The following ZBTB10 variants were observed in gnomAD, a reference collection of about 807,000 sequenced individuals.
ZBTB10 encodes zinc finger and BTB domain-containing protein 10.
Under a neutral mutation model 76.4 loss-of-function variants are expected in ZBTB10, and 32 were observed. That is an observed-to-expected ratio of 0.42 (90% CI 0.32 to 0.56). The LOEUF (loss-of-function observed/expected upper bound fraction) is 0.56. ZBTB10 is among the 20% of genes least tolerant of loss of function. The pLI, the probability that ZBTB10 is intolerant of heterozygous loss-of-function variation, is 0.14. For synonymous variants in ZBTB10, 523 were observed against 432.9 expected (o/e 1.21, Z -2.58); for missense variants, 1,057 against 1,098.5 (o/e 0.96, Z 0.53).
intron 1 of ZBTB10, among the ~76,000 whole-genome samples, chr8:80,494,336 T>A (rs1275341939): frequency 6.6e-6 from 1 of 152,184 alleles, no homozygotes; most frequent in East Asian, 1.9e-4. Context: ...GGTGTGCTGT[T>A]TGACTTTCTA....
At chr8:80,499,359 C>T (rs1815865071) in intron 1 of ZBTB10, 135 bp from the exon 2 acceptor site, 2 of 985,454 alleles carry the variant, frequency 2.0e-6, no homozygotes. Context: ...CCACTGTTCA[C>T]TCCATTTCTT....
At position 80,500,022 on chromosome 8, in the gene ZBTB10, T is replaced by G; in HGVS notation, c.1501T>G (p.Phe501Val). 6.2e-7 allele frequency: 1 copy of G among 1,613,976 alleles called. No homozygotes were observed. The highest frequency in any genetic ancestry group is 8.5e-7 in the Non-Finnish European group (1 of 1,179,890). Residue 501 changes from phenylalanine (F) to valine (V), a missense_variant, in exon 2 of 6, where the codon TTT becomes GTT. By Grantham distance (50) the Phe-to-Val change is conservative. Around this residue, in one of 5 missense-constraint regions of ZBTB10, gnomAD observed 306 missense variants for 297.5 expected, o/e 1.03. Coordinates refer to ENST00000455036, the MANE Select transcript of ZBTB10 (RefSeq NM_001105539.3). ...ATCACGGGATCAAAAAATTGCCAGT[T>G]TTTGGGCAACACGGAATCTTACCAA... ...SSSRDQKIAS[F>V]WATRNLTNLA...
At chr8:80,485,683 G>C, upstream of ZBTB10, 1 of 1,048,728 alleles carries the variant, frequency 9.5e-7, no homozygotes, top group East Asian at 2.9e-5. Context: ...GGTTGTGTCC[G>C]TGGTCGTAAC....
intron 1 of ZBTB10, among the ~76,000 whole-genome samples, chr8:80,497,345 T>G (rs4380985): frequency 0.065 from 9,828 of 151,998 alleles, 330 homozygotes; most frequent in African/African-American, 0.093. Flanking sequence ...AAAACAAAAA[T>G]AAGGGTATTA....
rs1328121770 is a variant in ZBTB10, at chr8:80,524,464, T to G, written c.*4936T>G. On this transcript the variant is annotated 3_prime_UTR_variant, in exon 6 of 6. Transcript: ENST00000455036. ...CCATGTTGTATATTTGTGGACTGAT[T>G]GACTACAAGTGATGTGATGTTATAA... 6.6e-6 allele frequency: 1 copy of G among 152,112 alleles called. No individual in the cohort carries two copies. The highest frequency in any genetic ancestry group is 1.5e-5 in the Non-Finnish European group (1 of 67,966). The allele number at this position is 152,112 out of a possible 1,614,324, so 9.4% of individuals were successfully genotyped here. A position where few individuals can be genotyped will look rare whatever the true frequency, so the allele number is the denominator to read the frequency against.
In ZBTB10 at chr8:80,487,205, G is replaced by T. The variant is rs1052031576; in HGVS notation, c.395G>T (p.Gly132Val). 1 of 1,542,910 alleles carries T rather than the reference G, an allele frequency of 6.5e-7. No homozygotes were observed. The highest frequency in any genetic ancestry group is 8.7e-7 in the Non-Finnish European group (1 of 1,146,648). Reference protein sequence around the residue: ...TLAFRGGGGGGLGNNGSSRGR... With the variant: ...TLAFRGGGGGVLGNNGSSRGR... ...GCCTTCCGAGGCGGCGGCGGCGGGG[G>T]TCTCGGCAACAATGGCAGTAGCCGC... Residue 132 changes from glycine (G) to valine (V), a missense_variant, in exon 1 of 6, where the codon GGT (glycine) becomes GTT (valine). Around this residue, in one of 5 missense-constraint regions of ZBTB10, gnomAD observed 556 missense variants for 451.7 expected, o/e 1.23. Coordinates refer to ENST00000455036, the MANE Select transcript of ZBTB10 (RefSeq NM_001105539.3).
chr8:80,501,140 A>C (rs1057442952), intron 2 of ZBTB10, among the ~76,000 whole-genome samples: 3 of 152,182 alleles, frequency 2.0e-5, no homozygotes, highest in Non-Finnish European at 4.4e-5. Flanking sequence ...TGCTGGGATT[A>C]CAGACATGAG....
Position 80,501,724 on chromosome 8 carries a change from G to T in ZBTB10, c.1861+1342G>T, listed in dbSNP as rs539863659. On this transcript the variant is annotated intron_variant, in intron 2 of 5. Coordinates refer to ENST00000455036, the MANE Select transcript of ZBTB10 (RefSeq NM_001105539.3). Reference sequence around the variant, plus strand: ...TTTTACTGTGTGAAAAATCAAGTGTGTATATATAACGAATACTATATATCT... The same window carrying T: ...TTTTACTGTGTGAAAAATCAAGTGTTTATATATAACGAATACTATATATCT... Among the ~76,000 whole-genome samples the T allele has an allele frequency of 1.1e-4, 17 of 152,220 alleles. No homozygotes were observed. In the South Asian group the frequency reaches 1.2e-3, roughly 11 times the overall value.
upstream of ZBTB10, chr8:80,486,053 C>T (rs1815438433): frequency 1.9e-6 from 2 of 1,045,096 alleles, no homozygotes; most frequent in South Asian, 1.8e-5. Context: ...GCGGCCGCAC[C>T]CCCGCCCCCA....
rs191523533 is a variant in ZBTB10, at chr8:80,522,987, G to A, written c.*3459G>A. On this transcript the variant is annotated 3_prime_UTR_variant, in exon 6 of 6. Transcript: ENST00000455036. ...TTTTAGGATTTTCTGAACATAGCAT[G>A]AAGGGTTTAGATTCATTTTTCTGAA... 9 of 151,798 alleles carry A rather than the reference G, an allele frequency of 5.9e-5. No individual in the cohort carries two copies. The highest frequency in any genetic ancestry group is 3.9e-4 in the Admixed American group (6 of 15,196). The allele number at this position is 151,798 out of a possible 1,614,324, so 9.4% of individuals were successfully genotyped here.
chr8:80,487,647 T>G lies in ZBTB10; in HGVS notation c.837T>G (p.Pro279=), dbSNP rs934861328. 9 of 1,613,756 alleles carry G rather than the reference T, an allele frequency of 5.6e-6. No homozygotes were observed. In the Admixed American group the frequency reaches 1.5e-4, roughly 27 times the overall value. ...LMSCGWCQKT[P]ADGGSVDLPP... ...CTTGCGGCTGGTGCCAAAAGACCCCTGCAGATGGGGGAAGCGTGGACCTTC... is the reference window on the plus strand; with the variant it reads ...CTTGCGGCTGGTGCCAAAAGACCCCGGCAGATGGGGGAAGCGTGGACCTTC... The change falls in exon 1 of 6, where the codon CCT becomes CCG. Residue 279 remains proline (P), a synonymous_variant. Coordinates refer to ENST00000455036, the MANE Select transcript of ZBTB10 (RefSeq NM_001105539.3).
chr8:80,486,638 C>T lies in ZBTB10; in HGVS notation c.-173C>T. 2.0e-6 allele frequency: 2 copies of T among 987,976 alleles called. No homozygotes were observed. The highest frequency in any genetic ancestry group is 4.6e-5 in the South Asian group (1 of 21,598). The allele number at this position is 987,976 out of a possible 1,614,324, so 61.2% of individuals were successfully genotyped here. On this transcript the variant is annotated 5_prime_UTR_variant, in exon 1 of 6. Coordinates refer to ENST00000455036, the MANE Select transcript of ZBTB10 (RefSeq NM_001105539.3). The stretch of plus-strand genomic sequence containing the variant: ...GCGGCAGCGGACGCGTGCAGCAGAC[C>T]CGGGAGCGAGCGCGAGCCGGGCTGC...
intron 1 of ZBTB10, among the ~76,000 whole-genome samples, chr8:80,492,761 G>C (rs755066269): frequency 2.6e-5 from 4 of 152,104 alleles, no homozygotes; most frequent in Non-Finnish European, 4.4e-5. Flanking sequence ...ACAGGCGTGA[G>C]TCACGCACCC....
At chr8:80,514,399 T>C (rs1292917837) in intron 3 of ZBTB10, among the ~76,000 whole-genome samples, 1 of 152,226 alleles carries the variant, frequency 6.6e-6, no homozygotes, top group Non-Finnish European at 1.5e-5. Context: ...TTCTGTGTGA[T>C]GTCAGCAGTG....
chr8:80,507,311 GAAGAA>G (rs1315238758), intron 2 of ZBTB10, among the ~76,000 whole-genome samples: 3 of 142,612 alleles, frequency 2.1e-5, no homozygotes, highest in Non-Finnish European at 3.0e-5. Context: ...AGTCTCAAAA[GAAGAA>G]AAGAAAAAAA....
rs150097751 is a variant in ZBTB10, at chr8:80,496,100, T to C, written c.973-3394T>C. On this transcript the variant is annotated intron_variant, in intron 1 of 5. Transcript: ENST00000455036. ...TATCAGTGATATCTGATGTTATCAG[T>C]ATACTAAAAGTGGACATAGAACGTT... Among the ~76,000 whole-genome samples the C allele has an allele frequency of 2.1e-3, 315 of 152,308 alleles. 9 individuals are homozygous for C. Among genetic ancestry groups the C allele is most frequent in the Admixed American group, 0.018 (273 of 15,294 alleles).
chr8:80,510,129 TTAAA>T (rs1417062381), intron 2 of ZBTB10, among the ~76,000 whole-genome samples: 2 of 152,194 alleles, frequency 1.3e-5, no homozygotes, highest in Non-Finnish European at 2.9e-5. Context: ...GAATATATTG[TTAAA>T]TAAAGGGAAG....
At position 80,522,789 on chromosome 8, in the gene ZBTB10, G is replaced by T. The variant is rs1479897126; in HGVS notation, c.*3261G>T. On this transcript the variant is annotated 3_prime_UTR_variant, in exon 6 of 6. Coordinates refer to ENST00000455036, the MANE Select transcript of ZBTB10 (RefSeq NM_001105539.3). ...GAAAAAGAAATAAGAAAAGATGGGGGAAAGGAAGGAGAAAATAGGAAATGA... is the reference window on the plus strand; with the variant it reads ...GAAAAAGAAATAAGAAAAGATGGGGTAAAGGAAGGAGAAAATAGGAAATGA... 1 of 151,774 alleles carries T rather than the reference G, an allele frequency of 6.6e-6. No homozygotes were observed. Among genetic ancestry groups the T allele is most frequent in the Non-Finnish European group, 1.5e-5 (1 of 67,828 alleles). 9.4% of individuals were successfully genotyped at this position (151,774 alleles called of 1,614,324 possible).
chr8:80,518,711 A>T, intron 4 of ZBTB10, 71 bp from the exon 5 acceptor site: 1 of 1,501,654 alleles, frequency 6.7e-7, no homozygotes. Context: ...AGAGATAGAG[A>T]TAAGAAGTTT....
Sources: gnomAD v4.1 joint callset for allele counts (sites outside exome capture counted in the v4.1 genomes callset) on GRCh38, gnomAD v4.1.1 for gene constraint, gnomAD v4.1.1 regional missense constraint, MANE v1.5 for transcripts, NCBI Gene and HGNC (gene_info 2026-07-23, HGNC 2026-07-21) for gene names.